The following DMXL2 variants were observed in gnomAD, a reference collection of about 807,000 sequenced individuals.
The protein encoded by DMXL2 is Dmx like 2.
DMXL2 carries 103 observed loss-of-function variants against 331.1 expected under a neutral mutation model. That is an observed-to-expected ratio of 0.31 (90% CI 0.27 to 0.37). The LOEUF is 0.37. DMXL2 is among the 10% of genes least tolerant of loss of function. DMXL2 has a pLI of 1.00. For synonymous variants in DMXL2, 1,281 were observed against 1,252.1 expected (o/e 1.02, Z -0.49); for missense variants, 3,171 against 3,642.9 (o/e 0.87, Z 3.33).
At chr15:51,460,129 A>C (rs2039988515) in intron 33 of DMXL2, 1 of 967,660 alleles carries the variant, frequency 1.0e-6, no homozygotes, top group South Asian at 4.8e-5. Context: ...TCTCTAAGTA[A>C]ATAAATGTTT....
chr15:51,553,157 A>T (rs2049326081), intron 6 of DMXL2, among the ~76,000 whole-genome samples: 1 of 152,112 alleles, frequency 6.6e-6, no homozygotes, highest in Admixed American at 6.5e-5. Flanking sequence ...AATACTTGAT[A>T]TTTTTTTCTG....
intron 13 of DMXL2, 61 bp from the exon 14 acceptor site, chr15:51,517,228 TACAG>T: frequency 7.8e-7 from 1 of 1,277,482 alleles, no homozygotes; most frequent in Non-Finnish European, 1.1e-6. Flanking sequence ...GTCAATATGA[TACAG>T]CATCTTGGAC....
At chr15:51,620,947 G>C (rs2054585723) in intron 1 of DMXL2, among the ~76,000 whole-genome samples, 1 of 152,166 alleles carries the variant, frequency 6.6e-6, no homozygotes, top group Non-Finnish European at 1.5e-5. Flanking sequence ...ACTTTAGATG[G>C]AAGCAGAAAA....
chr15:51,484,096 C>A (rs999368179), intron 23 of DMXL2, among the ~76,000 whole-genome samples: 5 of 152,170 alleles, frequency 3.3e-5, no homozygotes, highest in Non-Finnish European at 7.4e-5. Context: ...GAAACACCCC[C>A]AGGCCAGCTG....
At chr15:51,520,616 G>T (rs754874752) in intron 13 of DMXL2, among the ~76,000 whole-genome samples, 65 of 152,150 alleles carry the variant, frequency 4.3e-4, no homozygotes, top group Admixed American at 9.8e-4. Context: ...CAGCACTTTG[G>T]GGGGCCGAGC....
intron 28 of DMXL2, 65 bp from the exon 29 acceptor site, chr15:51,471,466 A>G: frequency 6.9e-7 from 1 of 1,450,600 alleles, no homozygotes; most frequent in Non-Finnish European, 9.4e-7. Context: ...GATAGAGTTA[A>G]GCTTTCTTTT....
chr15:51,536,779 A>G lies in DMXL2; in HGVS notation c.1701T>C (p.Cys567=), dbSNP rs752613533. The G allele has an allele frequency of 6.2e-7, 1 of 1,614,080 alleles. No individual in the cohort carries two copies. The highest frequency in any genetic ancestry group is 1.1e-5 in the South Asian group (1 of 91,076). ...GGTGAGAATCTTTTGTCGCATTTATACAGGCATACATCATGATATTTTTAC... is the reference window on the plus strand; with the variant it reads ...GGTGAGAATCTTTTGTCGCATTTATGCAGGCATACATCATGATATTTTTAC... ...SLSKNIMMYA[C]INATKDSHHT... is the part of the protein sequence containing the mutation. Residue 567 remains cysteine (C), a synonymous_variant, in exon 12 of 44, where the codon TGT becomes TGC. Coordinates refer to ENST00000560891, the MANE Select transcript of DMXL2 (RefSeq NM_001378457.1).
rs138764988 is a variant in DMXL2 at position 51,565,231 on chromosome 15, A to G, written c.286-65T>C. On this transcript the variant is annotated intron_variant, in intron 3 of 43. Coordinates refer to ENST00000560891, the MANE Select transcript of DMXL2 (RefSeq NM_001378457.1). ...AGATGTTTTTCAAATAATATCCCAAAACACTACCATTTTATCATTTTCTTC... is the reference window on the plus strand; with the variant it reads ...AGATGTTTTTCAAATAATATCCCAAGACACTACCATTTTATCATTTTCTTC... The G allele has an allele frequency of 4.8e-3, 4,686 of 983,000 alleles. 20 individuals are homozygous for G. Among genetic ancestry groups the G allele is most frequent in the Non-Finnish European group, 5.4e-3 (3,631 of 669,180 alleles). The allele number at this position is 983,000 out of a possible 1,614,324, so 60.9% of individuals were successfully genotyped here. A position where few individuals can be genotyped will look rare whatever the true frequency, so the allele number is the denominator to read the frequency against.
At chr15:51,516,761 CAT>C (rs1434246828) in intron 14 of DMXL2, among the ~76,000 whole-genome samples, 4 of 152,188 alleles carry the variant, frequency 2.6e-5, no homozygotes, top group Admixed American at 6.5e-5. Context: ...CTGTACCTAA[CAT>C]GTGGTTTTTC....
chr15:51,507,823 AAACTT>A (rs1390437266), intron 15 of DMXL2, among the ~76,000 whole-genome samples: 2 of 152,106 alleles, frequency 1.3e-5, no homozygotes, highest in South Asian at 2.1e-4. Context: ...AAAAAAAAAA[AAACTT>A]AAGTTGTGGG....
chr15:51,622,349 C>T, intron 1 of DMXL2, 110 bp downstream of exon 1: 1 of 1,430,864 alleles, frequency 7.0e-7, no homozygotes, highest in Non-Finnish European at 9.5e-7. Flanking sequence ...ACGGGTGGGG[C>T]CCACCAACAT....
rs1434335977 is a variant in DMXL2 at position 51,476,694 on chromosome 15, T to C, written c.6859A>G (p.Thr2287Ala). 5.0e-6 allele frequency: 8 copies of C among 1,605,234 alleles called. No homozygotes were observed. The highest frequency in any genetic ancestry group is 6.8e-6 in the Non-Finnish European group (8 of 1,177,652). Residue 2287 changes from threonine (T) to alanine (A), a missense_variant, in exon 27 of 44, where the codon ACA (threonine) becomes GCA (alanine). Physicochemically the swap from Thr to Ala is moderately conservative, Grantham distance 58. Around this residue, in one of 7 missense-constraint regions of DMXL2, gnomAD observed 766 missense variants for 940.5 expected, o/e 0.81. Coordinates refer to ENST00000560891, the MANE Select transcript of DMXL2 (RefSeq NM_001378457.1). Reference sequence around the variant, plus strand: ...AGAAGTCCTTGATAAGCCATTCCTGTAAACTGATTTCCTTCTGTTTGACTG... The same window carrying C: ...AGAAGTCCTTGATAAGCCATTCCTGCAAACTGATTTCCTTCTGTTTGACTG... ...YSSQTEGNQFTGMAYQGLLLS... is the reference protein window; with the variant it reads ...YSSQTEGNQFAGMAYQGLLLS...
chr15:51,537,374 T>G, intron 11 of DMXL2, 114 bp downstream of exon 11: 1 of 973,448 alleles, frequency 1.0e-6, no homozygotes, highest in Non-Finnish European at 1.5e-6. Flanking sequence ...TTTACTCAGA[T>G]GCTTATCAAA....
At chr15:51,592,529 A>G (rs1260362662) in intron 1 of DMXL2, among the ~76,000 whole-genome samples, 1 of 152,228 alleles carries the variant, frequency 6.6e-6, no homozygotes, top group East Asian at 1.9e-4. Context: ...CCAATCCAGC[A>G]AGGCAGGCCA....
At chr15:51,458,385 G>C in intron 36 of DMXL2, 121 bp downstream of exon 36, 1 of 1,058,694 alleles carries the variant, frequency 9.4e-7, no homozygotes, top group South Asian at 1.6e-5. Flanking sequence ...AATTATATTT[G>C]TCACCTACCC....
chr15:51,494,515 C>T (rs1013309618), intron 19 of DMXL2, among the ~76,000 whole-genome samples: 9 of 152,144 alleles, frequency 5.9e-5, no homozygotes, highest in African/African-American at 1.9e-4. Flanking sequence ...AATACGAAGG[C>T]TGATATAAAT....
rs1411018603 is a variant in DMXL2, at chr15:51,605,591, C to T, written c.87+16868G>A. On this transcript the variant is annotated intron_variant, in intron 1 of 43. Coordinates refer to ENST00000560891, the MANE Select transcript of DMXL2 (RefSeq NM_001378457.1). ...TCGCTCTGTCGCCCAGGCCGGACTG[C>T]GGACTGCAGTGGCGCAATCTCGGCT... Among the ~76,000 whole-genome samples, 3 of 33,740 alleles carry T rather than the reference C, an allele frequency of 8.9e-5. 1 individual carries two copies. Among genetic ancestry groups the T allele is most frequent in the Non-Finnish European group, 6.7e-5 (1 of 14,876 alleles). The allele number at this position is 33,740 out of a possible 152,430, so 22.1% of individuals were successfully genotyped here. A position where few individuals can be genotyped will look rare whatever the true frequency, so the allele number is the denominator to read the frequency against.
intron 8 of DMXL2, 115 bp downstream of exon 8, chr15:51,545,468 C>G: frequency 1.2e-6 from 1 of 828,232 alleles, no homozygotes; most frequent in Non-Finnish European, 1.9e-6. Flanking sequence ...GAGTTTATTG[C>G]TATTAATTTC....
intron 42 of DMXL2, 55 bp downstream of exon 42, chr15:51,451,590 C>G: frequency 7.4e-7 from 1 of 1,358,008 alleles, no homozygotes; most frequent in South Asian, 1.2e-5. Context: ...AGCATTCCTT[C>G]ATGGTGTATT....
Sources: gnomAD v4.1 joint callset for allele counts (sites outside exome capture counted in the v4.1 genomes callset) on GRCh38, gnomAD v4.1.1 for gene constraint, gnomAD v4.1.1 regional missense constraint, MANE v1.5 for transcripts, NCBI Gene and HGNC (gene_info 2026-07-23, HGNC 2026-07-21) for gene names.